Variants in NRXN1 observed in about 807,000 individuals in gnomAD.
The protein encoded by NRXN1 is neurexin 1.
Under a neutral mutation model 150.9 loss-of-function variants are expected in NRXN1, and 39 were observed. That is an observed-to-expected ratio of 0.26 (90% CI 0.20 to 0.34). The LOEUF is 0.34. NRXN1 is among the 10% of genes least tolerant of loss of function. NRXN1 has a pLI of 1.00. For missense variants in NRXN1, 1,815 were observed against 1,949.9 expected (o/e 0.93, Z 1.30); for synonymous variants, 924 against 757.0 (o/e 1.22, Z -3.62).
At chr2:50,929,038 A>G (rs897347053) in intron 2 of NRXN1, among the ~76,000 whole-genome samples, 57 of 152,084 alleles carry the variant, frequency 3.7e-4, no homozygotes, top group Admixed American at 3.5e-3. Context: ...AGGCACCAGA[A>G]TATCAATCAT....
intron 21 of NRXN1, among the ~76,000 whole-genome samples, chr2:49,985,607 T>C (rs1680769974): frequency 6.6e-6 from 1 of 152,232 alleles, no homozygotes; most frequent in Admixed American, 6.5e-5. Flanking sequence ...AGTCACTTCT[T>C]TAAATGCTAC....
intron 8 of NRXN1, among the ~76,000 whole-genome samples, chr2:50,605,282 T>C (rs1017706553): frequency 5.3e-5 from 8 of 152,196 alleles, no homozygotes; most frequent in African/African-American, 1.9e-4. Context: ...TTAGTGTGAC[T>C]CTTTGGAATC....
At chr2:50,684,780 C>G (rs1205475421) in intron 5 of NRXN1, among the ~76,000 whole-genome samples, 1 of 152,174 alleles carries the variant, frequency 6.6e-6, no homozygotes, top group Non-Finnish European at 1.5e-5. Flanking sequence ...ACCCTGAAAT[C>G]TTACTTTCCC....
chr2:50,364,432 G>C (rs1026764359), intron 17 of NRXN1, among the ~76,000 whole-genome samples: 3 of 152,002 alleles, frequency 2.0e-5, no homozygotes, highest in African/African-American at 7.2e-5. Context: ...ACCAGTTTTG[G>C]AGCATGTGTG....
chr2:50,263,276 T>C (rs543519887), intron 17 of NRXN1, among the ~76,000 whole-genome samples: 3 of 151,888 alleles, frequency 2.0e-5, no homozygotes, highest in African/African-American at 7.2e-5. Context: ...TGTTATTTAT[T>C]CCTCAGATTT....
At chr2:50,483,367 A>G (rs958390857) in intron 15 of NRXN1, among the ~76,000 whole-genome samples, 9 of 152,180 alleles carry the variant, frequency 5.9e-5, no homozygotes, top group Non-Finnish European at 1.5e-5. Context: ...TCAGTTCAGC[A>G]GTCCATGACG....
At chr2:50,185,179 T>C (rs768978136) in intron 18 of NRXN1, among the ~76,000 whole-genome samples, 4 of 152,110 alleles carry the variant, frequency 2.6e-5, no homozygotes, top group Non-Finnish European at 4.4e-5. Context: ...CTCTTAGAAT[T>C]AGAAGTACAA....
chr2:50,920,388 AT>A (rs910866992), intron 5 of NRXN1, among the ~76,000 whole-genome samples: 132 of 151,922 alleles, frequency 8.7e-4, no homozygotes, highest in African/African-American at 3.0e-3. Context: ...ACTATTCCAT[AT>A]GTAGAAAATG....
chr2:50,038,497 T>C (rs990569431), intron 21 of NRXN1, among the ~76,000 whole-genome samples: 4 of 152,114 alleles, frequency 2.6e-5, no homozygotes, highest in Non-Finnish European at 4.4e-5. Flanking sequence ...AATGGCATCC[T>C]ACACACACAG....
At chr2:50,043,916 C>A (rs941976836) in intron 21 of NRXN1, among the ~76,000 whole-genome samples, 2 of 151,622 alleles carry the variant, frequency 1.3e-5, no homozygotes, top group East Asian at 3.9e-4. Context: ...TTTGGGTCAT[C>A]ATGTGTGAAT....
rs969282471 is a variant in NRXN1, at chr2:50,980,853, T to A, written c.772+46649A>T. ...TTTCTTCACATTTGTTCCCTAGGTT[T>A]GCTTCCAGAAAGATTATCTATGGTA... is the stretch of plus-strand genomic sequence containing the variant. On this transcript the variant is annotated intron_variant, in intron 2 of 22. Transcript: ENST00000401669. Among the ~76,000 whole-genome samples, 3 of 152,118 alleles carry A rather than the reference T, an allele frequency of 2.0e-5. No individual in the cohort carries two copies. The South Asian group carries it at 6.2e-4, about 31-fold the overall frequency.
Position 50,108,523 on chromosome 2 carries a change from C to G in NRXN1, c.3547-17029G>C, listed in dbSNP as rs895064061. ...ACATAAAGCCAGATAAAGTGTATGT[C>G]AAAAACTCTGAGATATTTCAAAATT... is the stretch of plus-strand genomic sequence containing the variant. On this transcript the variant is annotated intron_variant, in intron 18 of 22. Transcript: ENST00000401669. Among the ~76,000 whole-genome samples, 7 of 151,904 alleles carry G rather than the reference C, an allele frequency of 4.6e-5. No individual in the cohort carries two copies. The South Asian group carries it at 6.2e-4, about 14-fold the overall frequency.
intron 5 of NRXN1, among the ~76,000 whole-genome samples, chr2:50,718,355 T>A (rs1696146040): frequency 6.6e-6 from 1 of 152,060 alleles, no homozygotes; most frequent in South Asian, 2.1e-4. Context: ...TCGACACAAA[T>A]AACATGAAGG....
chr2:50,061,856 G>A (rs920348179), intron 19 of NRXN1, among the ~76,000 whole-genome samples: 56 of 152,042 alleles, frequency 3.7e-4, no homozygotes, highest in Non-Finnish European at 6.8e-4. Flanking sequence ...TGCCTCTGCC[G>A]AAGTAATTTT....
chr2:50,570,557 T>C (rs1331625508), intron 8 of NRXN1, among the ~76,000 whole-genome samples: 2 of 152,128 alleles, frequency 1.3e-5, no homozygotes, highest in African/African-American at 4.8e-5. Flanking sequence ...GCACTTTGTG[T>C]GAATCTTTGC....
intron 2 of NRXN1, among the ~76,000 whole-genome samples, chr2:50,951,259 G>A (rs1293368977): frequency 6.6e-6 from 1 of 152,148 alleles, no homozygotes; most frequent in Non-Finnish European, 1.5e-5. Context: ...CACAAAGCCT[G>A]TAAATCTGTG....
intron 15 of NRXN1, 122 bp from the exon 16 acceptor site, chr2:50,472,593 A>G: frequency 1.4e-6 from 1 of 708,428 alleles, no homozygotes; most frequent in Non-Finnish European, 2.2e-6. Flanking sequence ...TTAATTTATG[A>G]CTAGCTGTTT....
At chr2:50,337,841 G>C (rs185379840) in intron 17 of NRXN1, among the ~76,000 whole-genome samples, 2 of 152,000 alleles carry the variant, frequency 1.3e-5, no homozygotes, top group Non-Finnish European at 2.9e-5. Context: ...TTAAAAATAA[G>C]ATTACTGAGG....
intron 18 of NRXN1, among the ~76,000 whole-genome samples, chr2:50,232,490 G>A (rs1264624011): frequency 6.2e-5 from 9 of 144,798 alleles, no homozygotes; most frequent in Non-Finnish European, 8.9e-5. Flanking sequence ...GGGTTCAAAC[G>A]ATTCTCCTGC....
Sources: gnomAD v4.1 joint callset for allele counts (sites outside exome capture counted in the v4.1 genomes callset) on GRCh38, gnomAD v4.1.1 for gene constraint, MANE v1.5 for transcripts, NCBI Gene and HGNC (gene_info 2026-07-23, HGNC 2026-07-21) for gene names.